Variants in GTPBP1 observed in about 807,000 individuals in gnomAD.
GTPBP1 encodes GTP binding protein 1.
GTPBP1 carries 23 observed loss-of-function variants against 62.0 expected under a neutral mutation model. The observed-to-expected ratio is 0.37, with a 90% CI of 0.27 to 0.53. GTPBP1 has a LOEUF of 0.53. GTPBP1 is among the 20% of genes least tolerant of loss of function. The pLI is 0.89. For missense variants in GTPBP1, 640 were observed against 917.3 expected, an observed-to-expected ratio of 0.70 and a Z score of 3.90; for synonymous variants, 344 against 364.4, an observed-to-expected ratio of 0.94 and a Z score of 0.64.
intron 10 of GTPBP1, chr22:38,728,961 C>CACT: frequency 6.5e-6 from 1 of 153,084 alleles, no homozygotes; most frequent in South Asian, 2.1e-4. Flanking sequence ...TTGGTCTCTT[C>CACT]GGGAGGCCCT....
downstream of GTPBP1, chr22:38,736,393 G>T: frequency 6.2e-7 from 1 of 1,605,910 alleles, no homozygotes; most frequent in South Asian, 1.1e-5. Context: ...GGGTAGAGAA[G>T]AAAGGGATTA....
In GTPBP1 at chr22:38,716,458, GC is replaced by G. The variant is rs2092671090; in HGVS notation, c.486-191del. Reference sequence around the variant, plus strand: ...GGAGATAGCCGCTGTGGGAGTCTGGGCCCTTCTGATGACTCTACAGCAGCAG... The same window carrying G: ...GGAGATAGCCGCTGTGGGAGTCTGGGCCTTCTGATGACTCTACAGCAGCAG... On this transcript the variant is annotated intron_variant, in intron 3 of 11. Transcript: ENST00000216044. This position sits in a 1 kb window ranked among gnomAD's most constrained non-coding sequence, Gnocchi z 5.2. 6.6e-6 allele frequency among the ~76,000 whole-genome samples: 1 copy of G among 152,164 alleles called. No individual in the cohort carries two copies. Among genetic ancestry groups the G allele is most frequent in the African/African-American group, 2.4e-5 (1 of 41,440 alleles).
chr22:38,742,783 C>T, downstream of GTPBP1: 1 of 567,332 alleles, frequency 1.8e-6, no homozygotes, highest in Non-Finnish European at 3.1e-6. Flanking sequence ...AGGAAGGTCC[C>T]TGAGGACACA....
Position 38,729,526 on chromosome 22 carries a change from C to A in GTPBP1, c.1781C>A (p.Thr594Lys). Residue 594 changes from threonine to lysine, a missense_variant, in exon 11 of 12, where the codon ACG becomes AAG. By Grantham distance (78) the Thr-to-Lys change is moderately conservative (BLOSUM62 -1). Around this residue, in one of 4 missense-constraint regions of GTPBP1, gnomAD observed 117 missense variants for 107.1 expected, o/e 1.09. Coordinates refer to ENST00000216044, the MANE Select transcript of GTPBP1 (RefSeq NM_004286.5). Reference protein sequence around the residue: ...SKPQQIKMQSTKKGPLTKRDE... With the variant: ...SKPQQIKMQSKKKGPLTKRDE... ...CCGCAGCAGATTAAAATGCAGTCGA[C>A]GAAAAAGGGCCCCCTGACGAAACGA... The A allele has an allele frequency of 6.2e-7, 1 of 1,609,652 alleles. No homozygotes were observed. Among genetic ancestry groups the A allele is most frequent in the African/African-American group, 1.3e-5 (1 of 74,632 alleles).
In GTPBP1 at chr22:38,731,732, C is replaced by T. The variant is rs1292661566; in HGVS notation, c.*1028C>T. 6.6e-6 allele frequency: 1 copy of T among 152,598 alleles called. No homozygotes were observed. The highest frequency in any genetic ancestry group is 2.4e-5 in the African/African-American group (1 of 41,454). The allele number at this position is 152,598 out of a possible 1,614,324, so 9.5% of individuals were successfully genotyped here. A position where few individuals can be genotyped will look rare whatever the true frequency, so the allele number is the denominator to read the frequency against. The stretch of plus-strand genomic sequence containing the variant: ...CAGGCTGAGACTAGAACCCCATCTT[C>T]CCTGAGCCAGGCTGAGACTAGAACC... On this transcript the variant is annotated 3_prime_UTR_variant, in exon 12 of 12. Transcript: ENST00000216044.
rs2145886485 is a variant in GTPBP1 at position 38,729,616 on chromosome 22, CTG to C, written c.1873_1874del (p.Val625ArgfsTer16). On this transcript the variant is annotated frameshift_variant, in exon 11 of 12. Coordinates refer to ENST00000216044, the MANE Select transcript of GTPBP1 (RefSeq NM_004286.5). LOFTEE classifies it high-confidence loss of function. ...CCCCCACCTGGAGATGAAGCCTCCT[CTG>C]TAGGGGCAGGGCAACCAGCTGCGTC... 6.5e-7 allele frequency: 1 copy of C among 1,543,624 alleles called. No homozygotes were observed. The highest frequency in any genetic ancestry group is 2.4e-5 in the East Asian group (1 of 42,478).
intron 2 of GTPBP1, among the ~76,000 whole-genome samples, chr22:38,712,476 T>C (rs2145845783): frequency 6.6e-6 from 1 of 152,278 alleles, no homozygotes; most frequent in Non-Finnish European, 1.5e-5. Context: ...GAGGTTAGAC[T>C]TTTATTCTGA....
chr22:38,721,517 T>TG (rs1169826993), intron 4 of GTPBP1, among the ~76,000 whole-genome samples: 1 of 152,182 alleles, frequency 6.6e-6, no homozygotes, highest in East Asian at 1.9e-4. Flanking sequence ...GCTCCTGACT[T>TG]GGATTCATTT....
rs190333204 is a variant in GTPBP1, at chr22:38,714,352, G to A, written c.305-1555G>A. 1.4e-4 allele frequency among the ~76,000 whole-genome samples: 21 copies of A among 152,194 alleles called. No individual in the cohort carries two copies. The East Asian group carries it at 3.7e-3, about 27-fold the overall frequency. ...AACTTAGCCAGGCATGATGGCGGGC[G>A]CCTGTAATCCCAGCTACCTGGGAGG... On this transcript the variant is annotated intron_variant, in intron 2 of 11. Coordinates refer to ENST00000216044, the MANE Select transcript of GTPBP1 (RefSeq NM_004286.5).
chr22:38,736,278 G>A (rs1045770195), downstream of GTPBP1: 1 of 1,612,774 alleles, frequency 6.2e-7, no homozygotes. Flanking sequence ...TAGTGGGCGG[G>A]CTCCCCATGC....
intron 10 of GTPBP1, 68 bp from the exon 11 acceptor site, chr22:38,729,394 G>A: frequency 8.6e-7 from 1 of 1,166,038 alleles, no homozygotes; most frequent in South Asian, 1.5e-5. Context: ...GGCTGAGGGT[G>A]GGGGGTAGCC....
chr22:38,728,046 C>G lies in GTPBP1; in HGVS notation c.1601C>G (p.Thr534Ser). The G allele has an allele frequency of 6.2e-7, 1 of 1,613,070 alleles. No homozygotes were observed. Among genetic ancestry groups the G allele is most frequent in the East Asian group, 2.2e-5 (1 of 44,878 alleles). The change falls in exon 10 of 12, where the codon ACT becomes AGT. Residue 534 changes from threonine (T) to serine (S), a missense_variant. Around this residue, in one of 4 missense-constraint regions of GTPBP1, gnomAD observed 220 missense variants for 358.1 expected, o/e 0.61. Transcript: ENST00000216044. ...AGCATGGACAAGGACTGTCTGCGCA[C>G]TGGGGACAAGGCCACTGTACACTTC... ...ILSMDKDCLR[T>S]GDKATVHFRF...
chr22:38,708,949 G>A lies in GTPBP1; in HGVS notation c.297G>A (p.Gln99=). 6.4e-6 allele frequency: 10 copies of A among 1,554,882 alleles called. No individual in the cohort carries two copies. Among genetic ancestry groups the A allele is most frequent in the Non-Finnish European group, 8.9e-6 (10 of 1,125,776 alleles). ...GCGETIYVIG[Q]GSDGTEYGLS... The stretch of plus-strand genomic sequence containing the variant: ...GAGAGACCATATATGTCATTGGGCA[G>A]GGATCAGGTGAGCATAGTTTTCCTT... The change falls in exon 2 of 12, where the codon CAG becomes CAA. Residue 99 remains glutamine, a synonymous_variant. Transcript: ENST00000216044.
Position 38,727,964 on chromosome 22 carries a change from C to T in GTPBP1, c.1538-19C>T, listed in dbSNP as rs745509056. On this transcript the variant is annotated intron_variant, in intron 9 of 11. Transcript: ENST00000216044. This position sits in a 1 kb window ranked among gnomAD's most constrained non-coding sequence, Gnocchi z 6.5. ...ACCAGGTGGCTCCAGCCTATCCTGA[C>T]CTCTGGCTTCCTTGACAGTGCACTG... 10 of 1,609,726 alleles carry T rather than the reference C, an allele frequency of 6.2e-6. No individual in the cohort carries two copies. Among genetic ancestry groups the T allele is most frequent in the Non-Finnish European group, 8.5e-6 (10 of 1,176,224 alleles).
intron 5 of GTPBP1, 142 bp from the exon 6 acceptor site, chr22:38,724,155 C>T: frequency 1.7e-6 from 1 of 602,960 alleles, no homozygotes; most frequent in Non-Finnish European, 3.0e-6. Flanking sequence ...TTTGCTTCTC[C>T]AGGCATTGTG....
chr22:38,740,065 G>T, downstream of GTPBP1: 1 of 1,285,486 alleles, frequency 7.8e-7, no homozygotes, highest in Non-Finnish European at 1.1e-6. The surrounding 1 kb of genome is among the most constrained non-coding windows in gnomAD (Gnocchi z 4.8). Context: ...CTGGAGGAAA[G>T]AGTTATGAAC....
In GTPBP1 at chr22:38,726,137, C is replaced by G. The variant is rs1286999486; in HGVS notation, c.1205C>G (p.Thr402Ser). 4.3e-6 allele frequency: 7 copies of G among 1,612,434 alleles called. No homozygotes were observed. The highest frequency in any genetic ancestry group is 1.6e-4 in the Middle Eastern group (1 of 6,082). ...EEPAEFQIDD[T>S]YSVPGVGTVV... ...CCTGCTGAGTTTCAGATTGATGACA[C>G]CTACTCCGTCCCGGTAAGTGGCTCT... The change falls in exon 7 of 12, where the codon ACC (threonine) becomes AGC (serine). Residue 402 changes from threonine (T) to serine (S), a missense_variant. By Grantham distance (58) the Thr-to-Ser change is moderately conservative. Transcript: ENST00000216044. This position sits in a 1 kb window ranked among gnomAD's most constrained non-coding sequence, Gnocchi z 4.1.
chr22:38,716,394 G>A lies in GTPBP1; in HGVS notation c.486-258G>A, dbSNP rs1457247992. Among the ~76,000 whole-genome samples the A allele has an allele frequency of 6.6e-6, 1 of 152,200 alleles. No homozygotes were observed. Among genetic ancestry groups the A allele is most frequent in the African/African-American group, 2.4e-5 (1 of 41,454 alleles). The stretch of plus-strand genomic sequence containing the variant: ...CTTTTGTGCCTCTGGTAGCCTTGCG[G>A]CTCTTCCTGGCAGCACCCAGAAGCT... On this transcript the variant is annotated intron_variant, in intron 3 of 11. Coordinates refer to ENST00000216044, the MANE Select transcript of GTPBP1 (RefSeq NM_004286.5). The surrounding 1 kb of genome is among the most constrained non-coding windows in gnomAD (Gnocchi z 5.2).
downstream of GTPBP1, among the ~76,000 whole-genome samples, chr22:38,737,195 C>G (rs142798731): frequency 6.6e-6 from 1 of 152,136 alleles, no homozygotes; most frequent in Non-Finnish European, 1.5e-5. The surrounding 1 kb of genome is among the most constrained non-coding windows in gnomAD (Gnocchi z 4.1). Flanking sequence ...AGCCTAGTTA[C>G]CTCCTCAGAG....
Sources: allele counts gnomAD v4.1 joint callset (sites outside exome capture counted in the v4.1 genomes callset), GRCh38; gene constraint gnomAD v4.1.1; regional missense constraint gnomAD v4.1.1; non-coding constraint Gnocchi (gnomAD v3.1); transcripts MANE v1.5; gene names NCBI Gene and HGNC (gene_info 2026-07-23, HGNC 2026-07-21).